MYT1L: variants seen among roughly 807,000 people sequenced by gnomAD.
MYT1L encodes the protein myelin transcription factor 1-like protein.
In MYT1L, 12 loss-of-function variants were observed where a neutral mutation model predicts 126.7. The observed-to-expected ratio is 0.09, with a 90% CI of 0.06 to 0.15. The LOEUF is 0.15. MYT1L is among the 10% of genes least tolerant of loss of function. The probability of loss-of-function intolerance (pLI) is 1.00; values close to 1 mark genes in which losing one functional copy is unlikely to be tolerated. For missense variants in MYT1L, 979 were observed against 1,585.2 expected (o/e 0.62, Z 6.49); for synonymous variants, 541 against 604.2 (o/e 0.90, Z 1.53).
chr2:2,129,522 G>A (rs2082099437), intron 3 of MYT1L, among the ~76,000 whole-genome samples: 1 of 152,206 alleles, frequency 6.6e-6, no homozygotes, highest in Non-Finnish European at 1.5e-5. Flanking sequence ...CCCCCAGAGT[G>A]CCTGTCAGGC....
At position 1,889,276 on chromosome 2, in the gene MYT1L, G is replaced by C. The variant is rs758959040; in HGVS notation, c.2485C>G (p.Arg829Gly). The C allele has an allele frequency of 1.2e-6, 2 of 1,613,902 alleles. No individual in the cohort carries two copies. The highest frequency in any genetic ancestry group is 2.2e-5 in the East Asian group (1 of 44,864). ...TTGGACTCGTCCTCGTCTATCCTCC[G>C]GGGTTTCATTTTGGTGTAGTCTACG... ...LPVDYTKMKP[R>G]RIDEDESKDI... Residue 829 changes from arginine to glycine, a missense_variant, in exon 16 of 25, where the codon CGG becomes GGG. Arg to Gly is a moderately radical substitution (Grantham distance 125). Coordinates refer to ENST00000647738, the MANE Select transcript of MYT1L (RefSeq NM_001303052.2). This position sits in a 1 kb window ranked among gnomAD's most constrained non-coding sequence, Gnocchi z 4.1.
In MYT1L at chr2:2,224,899, G is replaced by A. The variant is rs571719129; in HGVS notation, c.-420-51911C>T. 1.3e-5 allele frequency among the ~76,000 whole-genome samples: 2 copies of A among 152,198 alleles called. No homozygotes were observed. Among genetic ancestry groups the A allele is most frequent in the East Asian group, 3.9e-4 (2 of 5,158 alleles). On this transcript the variant is annotated intron_variant, in intron 2 of 24. Transcript: ENST00000647738. This position sits in a 1 kb window ranked among gnomAD's most constrained non-coding sequence, Gnocchi z 4.0. Reference sequence around the variant, plus strand: ...ACCAGGGCTAGCCTTATGCTTGTGTGCTGGGCAGTCATACGCTGGGTTTGA... The same window carrying A: ...ACCAGGGCTAGCCTTATGCTTGTGTACTGGGCAGTCATACGCTGGGTTTGA...
Position 1,922,376 on chromosome 2 carries a change from A to T in MYT1L, c.1393T>A (p.Tyr465Asn). ...EAGRRDNMRS[Y>N]EDQSPRQLPG... is the part of the protein sequence containing the mutation. ...AGTTGTCTCGGAGACTGGTCCTCAT[A>T]TGACCTCATATTGTCCCTCCTCCCA... is the stretch of plus-strand genomic sequence containing the variant. The change falls in exon 10 of 25, where the codon TAT becomes AAT. Residue 465 changes from tyrosine to asparagine, a missense_variant. Physicochemically the swap from Tyr to Asn is moderately radical, Grantham distance 143. Around this residue, in one of 12 missense-constraint regions of MYT1L, gnomAD observed 67 missense variants for 80.3 expected, o/e 0.83. Coordinates refer to ENST00000647738, the MANE Select transcript of MYT1L (RefSeq NM_001303052.2). The surrounding 1 kb of genome is among the most constrained non-coding windows in gnomAD (Gnocchi z 7.4). The T allele has an allele frequency of 6.2e-7, 1 of 1,613,886 alleles. No homozygotes were observed. Among genetic ancestry groups the T allele is most frequent in the Non-Finnish European group, 8.5e-7 (1 of 1,179,884 alleles).
intron 4 of MYT1L, among the ~76,000 whole-genome samples, chr2:2,017,861 T>A (rs2064595041): frequency 6.6e-6 from 1 of 152,154 alleles, no homozygotes; most frequent in Admixed American, 6.5e-5. Context: ...TCTTTTATAT[T>A]TTTCAAAATT....
intron 4 of MYT1L, among the ~76,000 whole-genome samples, chr2:2,023,237 G>A (rs926723317): frequency 5.3e-5 from 8 of 152,184 alleles, no homozygotes; most frequent in African/African-American, 1.7e-4. Context: ...GCACTTTACC[G>A]AATCCTAGAC....
At chr2:1,826,026 C>T (rs10167078) in intron 21 of MYT1L, 2,918 of 152,406 alleles carry the variant, frequency 0.019, 50 homozygotes, top group Non-Finnish European at 0.031. Context: ...CTCTGCCCAA[C>T]GTCCAGCAGG....
At chr2:2,032,741 C>A (rs2066485415) in intron 4 of MYT1L, among the ~76,000 whole-genome samples, 1 of 123,164 alleles carries the variant, frequency 8.1e-6, no homozygotes, top group African/African-American at 3.2e-5. Context: ...ATACACACAC[C>A]CGTCGCCAGT....
chr2:2,235,200 G>A (rs1305626463), intron 2 of MYT1L, among the ~76,000 whole-genome samples: 1 of 152,066 alleles, frequency 6.6e-6, no homozygotes, highest in Admixed American at 6.5e-5. Context: ...TAGCTGGTTG[G>A]TGTCTTCCTC....
chr2:2,293,381 G>A (rs922523614), intron 1 of MYT1L, among the ~76,000 whole-genome samples: 1 of 152,222 alleles, frequency 6.6e-6, no homozygotes, highest in Non-Finnish European at 1.5e-5. Context: ...TACAGATAGA[G>A]AGAGGACCTC....
chr2:1,938,706 T>C (rs932658286), intron 9 of MYT1L, among the ~76,000 whole-genome samples: 2 of 152,192 alleles, frequency 1.3e-5, no homozygotes, highest in African/African-American at 4.8e-5. Flanking sequence ...ATTTGTATGA[T>C]GAGAGTAAAA....
At chr2:2,102,397 C>T (rs1414667100) in intron 3 of MYT1L, among the ~76,000 whole-genome samples, 1 of 152,144 alleles carries the variant, frequency 6.6e-6, no homozygotes, top group Non-Finnish European at 1.5e-5. Flanking sequence ...AAAGCTATAA[C>T]ATATGTAGGG....
At chr2:1,952,179 A>G (rs1218003337) in intron 8 of MYT1L, among the ~76,000 whole-genome samples, 1 of 152,198 alleles carries the variant, frequency 6.6e-6, no homozygotes, top group East Asian at 1.9e-4. Context: ...GTTTACTTGA[A>G]CCTCTTAGGG....
At chr2:1,871,035 G>A (rs567020270) in intron 18 of MYT1L, among the ~76,000 whole-genome samples, 11 of 152,276 alleles carry the variant, frequency 7.2e-5, no homozygotes, top group Admixed American at 2.0e-4. Context: ...CAAATTCCCC[G>A]CAGAGGGAGA....
At chr2:1,966,617 T>C (rs2059380263) in intron 8 of MYT1L, among the ~76,000 whole-genome samples, 1 of 152,138 alleles carries the variant, frequency 6.6e-6, no homozygotes, top group Non-Finnish European at 1.5e-5. Flanking sequence ...TCCCACTTTA[T>C]GCACAATATG....
At chr2:2,321,796 A>T (rs1452534491) in intron 1 of MYT1L, among the ~76,000 whole-genome samples, 2 of 152,208 alleles carry the variant, frequency 1.3e-5, no homozygotes, top group East Asian at 3.8e-4. Context: ...TTTCTCAAGC[A>T]AGTGCCCGAT....
At position 1,979,060 on chromosome 2, in the gene MYT1L, T is replaced by TA; in HGVS notation, c.152+104dup. 1.2e-6 allele frequency: 1 copy of TA among 856,858 alleles called. No homozygotes were observed. Among genetic ancestry groups the TA allele is most frequent in the Non-Finnish European group, 1.9e-6 (1 of 527,224 alleles). 53.1% of individuals were successfully genotyped at this position (856,858 alleles called of 1,614,324 possible). Reference sequence around the variant, plus strand: ...GAGAAGAAAAAGAAGGCATAATGTGTATTGCTTTCCAAGAACACCTGCTCA... The same window carrying TA: ...GAGAAGAAAAAGAAGGCATAATGTGTAATTGCTTTCCAAGAACACCTGCTCA... On this transcript the variant is annotated intron_variant, in intron 8 of 24. Transcript: ENST00000647738. The surrounding 1 kb of genome is among the most constrained non-coding windows in gnomAD (Gnocchi z 4.0).
intron 4 of MYT1L, among the ~76,000 whole-genome samples, chr2:2,004,300 T>G (rs2062851410): frequency 7.0e-6 from 1 of 143,772 alleles, no homozygotes; most frequent in African/African-American, 2.6e-5. Context: ...CGTTCTTTCC[T>G]GCATGCGTTC....
At chr2:2,299,090 GATCC>G (rs1325984903) in intron 1 of MYT1L, among the ~76,000 whole-genome samples, 21 of 152,202 alleles carry the variant, frequency 1.4e-4, no homozygotes, top group Admixed American at 1.2e-3. Flanking sequence ...CTGACCTGGT[GATCC>G]ATCCGCCTTG....
chr2:2,185,902 T>TCCCCGAG (rs1559271529), intron 2 of MYT1L, among the ~76,000 whole-genome samples: 23 of 119,710 alleles, frequency 1.9e-4, no homozygotes, highest in African/African-American at 6.7e-4. Context: ...CAGCCGGGCC[T>TCCCCGAG]TCCGGGCCTT....
Sources: allele counts gnomAD v4.1 joint callset (sites outside exome capture counted in the v4.1 genomes callset), GRCh38; gene constraint gnomAD v4.1.1; regional missense constraint gnomAD v4.1.1; non-coding constraint Gnocchi (gnomAD v3.1); transcripts MANE v1.5; gene names NCBI Gene and HGNC (gene_info 2026-07-23, HGNC 2026-07-21).